The following MTHFD2L variants were observed in gnomAD, a reference collection of about 807,000 sequenced individuals.
The protein encoded by MTHFD2L is methylenetetrahydrofolate dehydrogenase (NADP+ dependent) 2 like.
A neutral mutation model predicts 34.9 loss-of-function variants in MTHFD2L; 29 were observed. The observed-to-expected ratio is 0.83, with a 90% confidence interval of 0.62 to 1.13. The LOEUF (loss-of-function observed/expected upper bound fraction) is 1.13. Among genes scored for constraint, MTHFD2L ranks in the 50% most tolerant of loss-of-function variants. The pLI is 0.00. For synonymous variants in MTHFD2L, 167 were observed against 155.7 expected (o/e 1.07, Z -0.54); for missense variants, 481 against 446.5 (o/e 1.08, Z -0.70).
chr4:74,204,188 T>G (rs917178212), intron 5 of MTHFD2L, among the ~76,000 whole-genome samples: 2 of 152,164 alleles, frequency 1.3e-5, no homozygotes, highest in African/African-American at 4.8e-5. Flanking sequence ...CCAAGCCCTG[T>G]GATCTCGGGC....
rs1352063837 is a variant in MTHFD2L, at chr4:74,302,387, A to G, written c.*578A>G. ...CCATCCTAATGAGAAATGATGTTCT[A>G]TTTAAGGAAAGGAAAATATTCCGGG... On this transcript the variant is annotated 3_prime_UTR_variant, in exon 8 of 8. Coordinates refer to ENST00000325278, the MANE Select transcript of MTHFD2L (RefSeq NM_001144978.3). 6.6e-6 allele frequency: 1 copy of G among 152,082 alleles called. No homozygotes were observed. Among genetic ancestry groups the G allele is most frequent in the African/African-American group, 2.4e-5 (1 of 41,462 alleles). The allele number at this position is 152,082 out of a possible 1,614,324, so 9.4% of individuals were successfully genotyped here. A position where few individuals can be genotyped will look rare whatever the true frequency, so the allele number is the denominator to read the frequency against.
At chr4:74,115,210 T>A (rs974391135) in intron 2 of MTHFD2L, among the ~76,000 whole-genome samples, 3 of 152,230 alleles carry the variant, frequency 2.0e-5, no homozygotes, top group Admixed American at 2.0e-4. Context: ...CTAATTATTT[T>A]TTGACCATAG....
At chr4:74,290,998 C>CTTTTTTTTTTTTTTTTTTT (rs1560565979) in intron 7 of MTHFD2L, among the ~76,000 whole-genome samples, 2 of 46,156 alleles carry the variant, frequency 4.3e-5, no homozygotes, top group African/African-American at 1.3e-4. Flanking sequence ...TTTATTTTTC[C>CTTTTTTTTTTTTTTTTTTT]TTTTCTTTTT....
intron 7 of MTHFD2L, among the ~76,000 whole-genome samples, 176 bp from the exon 8 acceptor site, chr4:74,301,517 CTAAG>C (rs1281147973): frequency 9.3e-5 from 14 of 150,342 alleles, no homozygotes; most frequent in East Asian, 5.9e-4. Context: ...AAGTATTCGT[CTAAG>C]TGAGTGTGAG....
intron 6 of MTHFD2L, among the ~76,000 whole-genome samples, chr4:74,244,117 TC>T (rs1388784262): frequency 6.6e-6 from 1 of 152,224 alleles, no homozygotes; most frequent in Non-Finnish European, 1.5e-5. Flanking sequence ...ATGACCACAA[TC>T]TTTCCAGTCT....
At chr4:74,148,025 T>A (rs1723701587) in intron 1 of MTHFD2L, among the ~76,000 whole-genome samples, 1 of 152,192 alleles carries the variant, frequency 6.6e-6, no homozygotes. Flanking sequence ...ATTTCTTTGA[T>A]CCATTTTAAG....
At chr4:74,118,420 C>A (rs1282860671), upstream of MTHFD2L, among the ~76,000 whole-genome samples, 1 of 152,050 alleles carries the variant, frequency 6.6e-6, no homozygotes, top group Non-Finnish European at 1.5e-5. Flanking sequence ...TCTTATAAAA[C>A]AAAATAAATA....
chr4:74,292,164 A>G (rs1032840979), intron 7 of MTHFD2L, among the ~76,000 whole-genome samples: 2 of 152,192 alleles, frequency 1.3e-5, no homozygotes, highest in East Asian at 1.9e-4. Context: ...AACTGCCTCC[A>G]TTGTGGCTTA....
chr4:74,153,012 A>C (rs1724036301), intron 1 of MTHFD2L, among the ~76,000 whole-genome samples: 1 of 152,092 alleles, frequency 6.6e-6, no homozygotes, highest in East Asian at 1.9e-4. Context: ...CATGTTGTTT[A>C]TTGCTTTGGC....
intron 3 of MTHFD2L, chr4:74,195,057 T>G (rs1292812116): frequency 6.6e-6 from 1 of 152,228 alleles, no homozygotes; most frequent in Non-Finnish European, 1.5e-5. Flanking sequence ...TTAGCCTAGG[T>G]GACAGTTCTT....
intron 6 of MTHFD2L, among the ~76,000 whole-genome samples, chr4:74,272,739 G>A (rs534334364): frequency 4.6e-5 from 7 of 152,196 alleles, no homozygotes; most frequent in Non-Finnish European, 7.4e-5. Flanking sequence ...GCTGTTTCCC[G>A]TTTCTGCTTT....
intron 1 of MTHFD2L, among the ~76,000 whole-genome samples, chr4:74,130,010 C>G (rs1367886810): frequency 6.6e-6 from 1 of 152,128 alleles, no homozygotes; most frequent in Admixed American, 6.6e-5. Flanking sequence ...TTCCTGGACA[C>G]ATACACCCTC....
In MTHFD2L at chr4:74,241,807, T is replaced by C. The variant is rs114787946; in HGVS notation, c.805+16413T>C. ...AATATTCCTCAGCAGTGAAAAGGAA[T>C]GAACTATTGATACAGCAACCTGAAT... On this transcript the variant is annotated intron_variant, in intron 6 of 7. Transcript: ENST00000325278. 717 of 163,894 alleles carry C rather than the reference T, an allele frequency of 4.4e-3. 8 individuals carry two copies. Among genetic ancestry groups the C allele is most frequent in the African/African-American group, 0.017 (694 of 41,842 alleles). 10.2% of individuals were successfully genotyped at this position (163,894 alleles called of 1,614,324 possible).
At chr4:74,237,200 T>C (rs955602275) in intron 6 of MTHFD2L, among the ~76,000 whole-genome samples, 10 of 152,304 alleles carry the variant, frequency 6.6e-5, no homozygotes, top group Non-Finnish European at 1.3e-4. Flanking sequence ...AGAATTATAG[T>C]GGGACAGCAC....
chr4:74,158,022 TG>T, upstream of MTHFD2L: 1 of 1,449,044 alleles, frequency 6.9e-7, no homozygotes, highest in Non-Finnish European at 9.3e-7. Context: ...GGAACCTGGC[TG>T]GGAAGCGCTA....
chr4:74,292,373 A>G (rs1219775706), intron 7 of MTHFD2L, among the ~76,000 whole-genome samples: 5 of 152,208 alleles, frequency 3.3e-5, no homozygotes, highest in African/African-American at 9.6e-5. Flanking sequence ...TTGAACTGTG[A>G]TGAGTTTTTT....
chr4:74,215,161 A>G (rs1736986584), intron 5 of MTHFD2L, among the ~76,000 whole-genome samples: 1 of 151,654 alleles, frequency 6.6e-6, no homozygotes, highest in South Asian at 2.1e-4. Context: ...GATCCGCTGA[A>G]CTAGACCACT....
intron 1 of MTHFD2L, among the ~76,000 whole-genome samples, chr4:74,146,962 G>A (rs1181502740): frequency 6.6e-6 from 1 of 151,786 alleles, no homozygotes; most frequent in Non-Finnish European, 1.5e-5. Flanking sequence ...TTCAGCAAGT[G>A]GATCTCTCAG....
At chr4:74,245,460 A>G (rs918966985) in intron 6 of MTHFD2L, among the ~76,000 whole-genome samples, 2 of 149,248 alleles carry the variant, frequency 1.3e-5, no homozygotes, top group African/African-American at 2.5e-5. Flanking sequence ...ATCATTAGAT[A>G]TAATTATTGG....
Sources: gnomAD v4.1 joint callset for allele counts (sites outside exome capture counted in the v4.1 genomes callset) on GRCh38, gnomAD v4.1.1 for gene constraint, MANE v1.5 for transcripts, NCBI Gene and HGNC (gene_info 2026-07-23, HGNC 2026-07-21) for gene names.